Variants in GGT1 observed in about 807,000 individuals in gnomAD.
GGT1 encodes the protein glutathione hydrolase 1 proenzyme.
Under a neutral mutation model 56.0 loss-of-function variants are expected in GGT1, and 21 were observed. That is an observed-to-expected ratio of 0.38 (90% CI 0.27 to 0.54). The LOEUF is 0.54. GGT1 is among the 20% of genes least tolerant of loss of function. The probability of loss-of-function intolerance (pLI) is 0.82; values close to 1 mark genes in which losing one functional copy is unlikely to be tolerated. For missense variants in GGT1, 466 were observed against 787.0 expected (o/e 0.59, Z 4.88); for synonymous variants, 238 against 342.6 (o/e 0.69, Z 3.37).
chr22:24,589,237 A>G, the GGT1 span: 9 of 1,264,582 alleles, frequency 7.1e-6, no homozygotes, highest in Non-Finnish European at 9.3e-6. Context: ...GGACATCTGC[A>G]GGTGCTGTCA....
At chr22:24,616,159 A>T (rs895696498) in intron 7 of GGT1, among the ~76,000 whole-genome samples, 1 of 151,846 alleles carries the variant, frequency 6.6e-6, no homozygotes, top group Non-Finnish European at 1.5e-5. Flanking sequence ...TCACGCCTGT[A>T]ATCCCAGCAC....
At chr22:24,588,894 C>T in the GGT1 span, 1 of 1,002,870 alleles carries the variant, frequency 1.0e-6, no homozygotes, top group Non-Finnish European at 1.2e-6. Context: ...TAACTGGGCT[C>T]CGGCAGAGGC....
chr22:24,589,983 G>A (rs781212929), upstream of GGT1: 6 of 1,534,700 alleles, frequency 3.9e-6, no homozygotes, highest in East Asian at 2.4e-5. Context: ...GAGTGAGCCC[G>A]TTGGGTCTCC....
chr22:24,605,470 A>G (rs2046119727), intron 1 of GGT1, among the ~76,000 whole-genome samples: 1 of 73,360 alleles, frequency 1.4e-5, no homozygotes, highest in South Asian at 3.8e-4. Flanking sequence ...ATAATATAAT[A>G]TTATATAATG....
At chr22:24,596,729 C>G (rs1036122680) in intron 1 of GGT1, among the ~76,000 whole-genome samples, 1 of 123,844 alleles carries the variant, frequency 8.1e-6, no homozygotes, top group African/African-American at 3.1e-5. Context: ...GAAACCCTGT[C>G]TCTACTAAAA....
chr22:24,589,041 T>G, the GGT1 span: 8 of 1,022,584 alleles, frequency 7.8e-6, no homozygotes, highest in Non-Finnish European at 9.4e-6. Flanking sequence ...CCCTGGCTGT[T>G]CCTGTGATGG....
chr22:24,610,152 C>T (rs2046568398), intron 3 of GGT1, 98 bp from the exon 4 acceptor site: 1 of 368,632 alleles, frequency 2.7e-6, no homozygotes, highest in Non-Finnish European at 5.6e-6. Flanking sequence ...CCCCTACCTG[C>T]CCTGCTCCGT....
chr22:24,592,091 G>A (rs2045585449), upstream of GGT1: 3 of 354,366 alleles, frequency 8.5e-6, no homozygotes, highest in Non-Finnish European at 1.7e-5. Context: ...CACAGGATGG[G>A]GCAGGTAGTG....
the GGT1 span, among the ~76,000 whole-genome samples, chr22:24,584,522 T>C: frequency 4.6e-5 from 7 of 152,202 alleles, no homozygotes; most frequent in African/African-American, 1.4e-4. Flanking sequence ...GAAGCTGTTA[T>C]GCATCCAGCC....
Position 24,596,652 on chromosome 22 carries a change from C to T in GGT1, c.-324+1766C>T, listed in dbSNP as rs527466581. 1.2e-4 allele frequency among the ~76,000 whole-genome samples: 18 copies of T among 150,816 alleles called. No homozygotes were observed. The East Asian group carries it at 3.5e-3, about 30-fold the overall frequency. On this transcript the variant is annotated intron_variant, in intron 1 of 6. Coordinates refer to the GGT1 transcript ENST00000411974. Reference sequence around the variant, plus strand: ...CGGTGGCTCACGCCTGTAATCCCAGCACTTTTGGAGGCTGCGGTGGACGGA... The same window carrying T: ...CGGTGGCTCACGCCTGTAATCCCAGTACTTTTGGAGGCTGCGGTGGACGGA...
At chr22:24,583,829 A>G in the GGT1 span, 2 of 470,216 alleles carry the variant, frequency 4.3e-6, no homozygotes, top group South Asian at 3.1e-5. Flanking sequence ...CTCAGTGACA[A>G]TTGAGAGTTT....
chr22:24,590,391 T>G (rs2045534326), upstream of GGT1, among the ~76,000 whole-genome samples: 1 of 152,124 alleles, frequency 6.6e-6, no homozygotes, highest in African/African-American at 2.4e-5. Flanking sequence ...AGTGCTGGGA[T>G]TACAGGTGTG....
At chr22:24,598,722 T>C (rs1028989374), upstream of GGT1, among the ~76,000 whole-genome samples, 8 of 152,146 alleles carry the variant, frequency 5.3e-5, no homozygotes, top group East Asian at 1.9e-4. Context: ...CCCAGCTAAC[T>C]TTTTTATTTT....
upstream of GGT1, chr22:24,592,436 G>T: frequency 2.1e-6 from 1 of 470,310 alleles, no homozygotes. Flanking sequence ...GGAGGAGGGG[G>T]AAGTTACCCT....
Position 24,628,830 on chromosome 22 carries a change from C to G in GGT1, c.1701C>G (p.Ala567=). The G allele has an allele frequency of 6.3e-7, 1 of 1,597,790 alleles. No individual in the cohort carries two copies. Among genetic ancestry groups the G allele is most frequent in the Non-Finnish European group, 8.5e-7 (1 of 1,172,008 alleles). ...ACTCCAGGAAAGGCGGGGAGCCTGC[C>G]GGCTACTGAGTGCTCCAGGAGGACA... ...ASDSRKGGEP[A]GY Residue 567 remains alanine (A), a synonymous_variant, in exon 16 of 16, where the codon GCC becomes GCG. Transcript: ENST00000400382. This position sits in a 1 kb window ranked among gnomAD's most constrained non-coding sequence, Gnocchi z 5.7.
intron 2 of GGT1, among the ~76,000 whole-genome samples, chr22:24,608,568 G>A (rs1424172732): frequency 2.0e-5 from 3 of 152,234 alleles, no homozygotes; most frequent in Non-Finnish European, 2.9e-5. Flanking sequence ...AGCTTCCTTG[G>A]TGCAGGGGGC....
intron 7 of GGT1, among the ~76,000 whole-genome samples, chr22:24,619,235 TA>T (rs1393622945): frequency 6.6e-6 from 1 of 151,992 alleles, no homozygotes; most frequent in Admixed American, 6.6e-5. Context: ...CCGTCTCTAC[TA>T]AAAATACAAA....
Position 24,620,380 on chromosome 22 carries a change from C to T in GGT1, c.435C>T (p.His145=), listed in dbSNP as rs565280527. The change falls in exon 8 of 16, where the codon CAC becomes CAT. Residue 145 remains histidine (H), a synonymous_variant. Coordinates refer to ENST00000400382, the MANE Select transcript of GGT1 (RefSeq NM_001288833.2). The surrounding 1 kb of genome is among the most constrained non-coding windows in gnomAD (Gnocchi z 5.6). ...AGATCCGAGGCTATGAGCTGGCACA[C>T]CAGCGGCATGGGCGGCTGCCCTGGG... The part of the protein sequence containing the change: ...PGEIRGYELA[H]QRHGRLPWAR... 1.2e-6 allele frequency: 2 copies of T among 1,611,648 alleles called. No homozygotes were observed. Among genetic ancestry groups the T allele is most frequent in the African/African-American group, 1.3e-5 (1 of 74,982 alleles).
chr22:24,623,221 G>A lies in GGT1; in HGVS notation c.848G>A (p.Gly283Glu). 2.5e-6 allele frequency: 4 copies of A among 1,593,822 alleles called. No homozygotes were observed. The highest frequency in any genetic ancestry group is 3.4e-6 in the Non-Finnish European group (4 of 1,170,458). ...TACATGCCCAGTGCGCCGCTCAGCG[G>A]GCCCGTGCTGGCCCTCATCCTCAAC... ...VLYMPSAPLS[G>E]PVLALILNIL... Residue 283 changes from glycine to glutamate, a missense_variant, in exon 10 of 16, where the codon GGG becomes GAG. Transcript: ENST00000400382.
Sources: gnomAD v4.1 joint callset for allele counts (sites outside exome capture counted in the v4.1 genomes callset) on GRCh38, gnomAD v4.1.1 for gene constraint, Gnocchi (gnomAD v3.1) non-coding constraint, MANE v1.5 for transcripts, NCBI Gene and HGNC (gene_info 2026-07-23, HGNC 2026-07-21) for gene names.